Variants in ABCB4 observed in about 807,000 individuals in gnomAD.
ABCB4 encodes the protein phosphatidylcholine translocator ABCB4.
In ABCB4, 76 loss-of-function variants were observed where a neutral mutation model predicts 145.7. The observed-to-expected ratio is 0.52, with a 90% confidence interval of 0.43 to 0.63. The LOEUF is 0.63. Among genes scored for constraint, ABCB4 ranks in the 30% least tolerant of loss-of-function variants. The probability of loss-of-function intolerance (pLI) is 0.00; values close to 1 mark genes in which losing one functional copy is unlikely to be tolerated. For missense variants in ABCB4, 1,234 were observed against 1,553.1 expected (o/e 0.79, Z 3.45); for synonymous variants, 517 against 566.8 (o/e 0.91, Z 1.25).
rs774959059 is a variant in ABCB4, at chr7:87,422,180, T to C, written c.2257A>G (p.Ile753Val). Reference sequence around the variant, plus strand: ...AGAAATAAGAAAATCAAAGAGAATATGTTGCACTTCTGCTGCTTCACTGCA... The same window carrying C: ...AGAAATAAGAAAATCAAAGAGAATACGTTGCACTTCTGCTGCTTCACTGCA... ...DDAVKQQKCNIFSLIFLFLGI... is the reference protein window; with the variant it reads ...DDAVKQQKCNVFSLIFLFLGI... The change falls in exon 18 of 28, where the codon ATA (isoleucine) becomes GTA (valine). Residue 753 changes from isoleucine (I) to valine (V), a missense_variant. By Grantham distance (29) the Ile-to-Val change is conservative. Transcript: ENST00000649586. 2 of 1,613,746 alleles carry C rather than the reference T, an allele frequency of 1.2e-6. No individual in the cohort carries two copies. Among genetic ancestry groups the C allele is most frequent in the South Asian group, 1.1e-5 (1 of 91,050 alleles).
chr7:87,410,114 T>C (rs1185087493), intron 23 of ABCB4, among the ~76,000 whole-genome samples: 1 of 152,094 alleles, frequency 6.6e-6, no homozygotes, highest in Non-Finnish European at 1.5e-5. Context: ...GAAAAAAAAG[T>C]CACCTTAAAC....
At chr7:87,389,611 G>A in the ABCB4 span, among the ~76,000 whole-genome samples, 32 of 152,118 alleles carry the variant, frequency 2.1e-4, no homozygotes, top group Middle Eastern at 3.4e-3. Flanking sequence ...ATCACACACC[G>A]GGGGCTGTCA....
intron 14 of ABCB4, among the ~76,000 whole-genome samples, chr7:87,439,336 G>A (rs978531361): frequency 6.6e-6 from 1 of 152,132 alleles, no homozygotes; most frequent in Non-Finnish European, 1.5e-5. Flanking sequence ...CAGTGTCTGG[G>A]TAACCGGATT....
At chr7:87,398,616 T>TA (rs1221206687), downstream of ABCB4, 10 of 1,613,684 alleles carry the variant, frequency 6.2e-6, no homozygotes, top group South Asian at 1.1e-4. Context: ...CATGATATGA[T>TA]ACAGCTGATG....
At chr7:87,415,411 C>A (rs1808900122) in intron 21 of ABCB4, among the ~76,000 whole-genome samples, 1 of 152,136 alleles carries the variant, frequency 6.6e-6, no homozygotes, top group Non-Finnish European at 1.5e-5. Context: ...ACTGAGTAAA[C>A]AATATTAAAC....
At chr7:87,372,922 A>G in the ABCB4 span, among the ~76,000 whole-genome samples, 2 of 152,166 alleles carry the variant, frequency 1.3e-5, no homozygotes, top group African/African-American at 4.8e-5. Context: ...TAAATTATTC[A>G]TAATGCTGCC....
At chr7:87,374,543 G>T in the ABCB4 span, among the ~76,000 whole-genome samples, 1 of 151,986 alleles carries the variant, frequency 6.6e-6, no homozygotes, top group African/African-American at 2.4e-5. Context: ...AACTGCAAAA[G>T]CTTTACTTAT....
chr7:87,457,037 G>A (rs999132195), intron 4 of ABCB4, among the ~76,000 whole-genome samples: 1 of 152,134 alleles, frequency 6.6e-6, no homozygotes, highest in African/African-American at 2.4e-5. Context: ...AGAATTACAT[G>A]GGGAGCTTAA....
the ABCB4 span, among the ~76,000 whole-genome samples, chr7:87,371,322 A>G: frequency 3.3e-5 from 5 of 152,196 alleles, no homozygotes; most frequent in Admixed American, 2.6e-4. Context: ...GCTTCTTTTA[A>G]TCAACAATAA....
intron 14 of ABCB4, among the ~76,000 whole-genome samples, chr7:87,433,071 C>T (rs1228415464): frequency 6.6e-6 from 1 of 151,988 alleles, no homozygotes; most frequent in Non-Finnish European, 1.5e-5. Flanking sequence ...AGACATAAAC[C>T]ATCTAAGAAT....
chr7:87,470,001 G>A (rs1208023100), intron 3 of ABCB4, among the ~76,000 whole-genome samples: 1 of 152,146 alleles, frequency 6.6e-6, no homozygotes, highest in South Asian at 2.1e-4. Flanking sequence ...AAACAGCATG[G>A]TACTGGTACC....
At chr7:87,475,540 C>A in intron 1 of ABCB4, 69 bp from the exon 2 acceptor site, 1 of 1,512,498 alleles carries the variant, frequency 6.6e-7, no homozygotes. Context: ...AGTCGCGGGG[C>A]CCGGGGGCAC....
downstream of ABCB4, chr7:87,399,562 A>G (rs1807689224): frequency 6.6e-6 from 1 of 152,230 alleles, no homozygotes; most frequent in Non-Finnish European, 1.5e-5. Flanking sequence ...TATTACACAC[A>G]TAAAACCGTA....
At position 87,432,270 on chromosome 7, in the gene ABCB4, T is replaced by G. The variant is rs78330544; in HGVS notation, c.1732-705A>C. Among the ~76,000 whole-genome samples the G allele has an allele frequency of 5.9e-5, 9 of 152,296 alleles. No individual in the cohort carries two copies. The East Asian group carries it at 1.5e-3, about 26-fold the overall frequency. ...CCCTGGATAATGCCAATAAAAGTAT[T>G]GATATTATGTCATTAATAATGGCTA... On this transcript the variant is annotated intron_variant, in intron 14 of 27. Transcript: ENST00000649586.
At chr7:87,394,710 T>A in the ABCB4 span, among the ~76,000 whole-genome samples, 1 of 152,170 alleles carries the variant, frequency 6.6e-6, no homozygotes, top group Non-Finnish European at 1.5e-5. Flanking sequence ...CCTTTCTTGC[T>A]ATAAAAAGGC....
At chr7:87,425,909 A>C (rs1440298467) in intron 16 of ABCB4, among the ~76,000 whole-genome samples, 1 of 151,948 alleles carries the variant, frequency 6.6e-6, no homozygotes, top group African/African-American at 2.4e-5. Flanking sequence ...AAATAAATAA[A>C]ATTATTTGTT....
At chr7:87,460,376 A>G (rs1406589514) in intron 4 of ABCB4, among the ~76,000 whole-genome samples, 1 of 152,116 alleles carries the variant, frequency 6.6e-6, no homozygotes, top group African/African-American at 2.4e-5. Context: ...TGGGATATGA[A>G]TGATCCTGTC....
intron 15 of ABCB4, among the ~76,000 whole-genome samples, chr7:87,428,513 T>G (rs1463204225): frequency 6.6e-6 from 1 of 152,126 alleles, no homozygotes; most frequent in Non-Finnish European, 1.5e-5. Context: ...ACTGACAACC[T>G]AATTACATAC....
chr7:87,431,781 G>A (rs1338677853), intron 14 of ABCB4, among the ~76,000 whole-genome samples: 1 of 152,188 alleles, frequency 6.6e-6, no homozygotes, highest in Non-Finnish European at 1.5e-5. Context: ...CCTTCAGTAG[G>A]AGGATGGGTG....
Sources: gnomAD v4.1 joint callset for allele counts (sites outside exome capture counted in the v4.1 genomes callset) on GRCh38, gnomAD v4.1.1 for gene constraint, MANE v1.5 for transcripts, NCBI Gene and HGNC (gene_info 2026-07-23, HGNC 2026-07-21) for gene names.